CFAP92: variants seen among roughly 807,000 people sequenced by gnomAD.
The protein encoded by CFAP92 is cilia and flagella associated protein 92 (putative).
CFAP92 carries 86 observed loss-of-function variants against 106.3 expected under a neutral mutation model. That is an observed-to-expected ratio of 0.81 (90% confidence interval 0.68 to 0.97). The LOEUF is 0.97. Ranked by LOEUF, CFAP92 falls within the 50% of genes least tolerant of loss-of-function variation. The pLI, the probability that CFAP92 is intolerant of heterozygous loss-of-function variation, is 0.00. For missense variants in CFAP92, 1,204 were observed against 1,283.8 expected, an observed-to-expected ratio of 0.94 and a Z score of 0.95; for synonymous variants, 477 against 506.4, an observed-to-expected ratio of 0.94 and a Z score of 0.78.
intron 12 of CFAP92, among the ~76,000 whole-genome samples, chr3:128,925,559 T>C (rs1418446279): frequency 6.6e-6 from 1 of 152,082 alleles, no homozygotes; most frequent in African/African-American, 2.4e-5. Context: ...ATAAGTAATA[T>C]CAGATGCAGA....
At position 128,942,298 on chromosome 3, in the gene CFAP92, C is replaced by T. The variant is rs117389028; in HGVS notation, c.2258+2773G>A. Among the ~76,000 whole-genome samples, 14 of 152,364 alleles carry T rather than the reference C, an allele frequency of 9.2e-5. No individual in the cohort carries two copies. In the East Asian group the frequency reaches 2.7e-3, roughly 29 times the overall value. ...AGACACAAAGCTTCTACTGTCTTCT[C>T]GTGGAGCCAGATGTGCTACCCTCCT... On this transcript the variant is annotated intron_variant, in intron 10 of 15. Transcript: ENST00000645291.
chr3:128,970,499 T>G (rs944617410), intron 8 of CFAP92: 1 of 152,082 alleles, frequency 6.6e-6, no homozygotes, highest in Admixed American at 6.5e-5. Context: ...AGTCTGAATT[T>G]TCTCTAAAAA....
At chr3:128,957,679 C>T (rs1398369551) in intron 9 of CFAP92, among the ~76,000 whole-genome samples, 1 of 152,156 alleles carries the variant, frequency 6.6e-6, no homozygotes, top group Non-Finnish European at 1.5e-5. Flanking sequence ...GGTCTAAATA[C>T]GTCAATTAAA....
intron 15 of CFAP92, among the ~76,000 whole-genome samples, chr3:128,911,388 A>AG (rs1936299514): frequency 6.6e-6 from 1 of 152,032 alleles, no homozygotes; most frequent in Non-Finnish European, 1.5e-5. Context: ...GAGCAAGTGC[A>AG]GAGCCCTTTG....
intron 4 of CFAP92, among the ~76,000 whole-genome samples, chr3:128,982,773 A>G (rs968101151): frequency 6.6e-6 from 1 of 152,192 alleles, no homozygotes; most frequent in African/African-American, 2.4e-5. Flanking sequence ...GGGAATAGGG[A>G]GGCCTGAAGA....
At position 128,922,298 on chromosome 3, in the gene CFAP92, G is replaced by A. The variant is rs375522435; in HGVS notation, c.2752-6027C>T. On this transcript the variant is annotated intron_variant, in intron 12 of 15. Coordinates refer to ENST00000645291, the MANE Select transcript of CFAP92 (RefSeq NM_001394090.1). ...GTGGAGCTTGCAGTGAGTCAAGATC[G>A]TGCCACTGCACTCCAGCCTGGGCAA... 5.6e-4 allele frequency among the ~76,000 whole-genome samples: 85 copies of A among 151,892 alleles called. 1 individual carries two copies. Among genetic ancestry groups the A allele is most frequent in the African/African-American group, 1.9e-3 (79 of 41,418 alleles).
chr3:128,915,468 TTTC>T lies in CFAP92; in HGVS notation c.3009_3011del (p.Lys1004del), dbSNP rs369929357. On this transcript the variant is annotated inframe_deletion, in exon 14 of 16. Transcript: ENST00000645291. ...TGGCTGTGAGCCAGGCCTGGCGGGA[TTTC>T]TTCTGGGCTTTCTTCTCCTCTTCCT... 1,389 of 1,536,092 alleles carry T rather than the reference TTTC, an allele frequency of 9.0e-4. 12 individuals carry two copies. The African/African-American group carries it at 0.016, about 18-fold the overall frequency.
At chr3:128,964,795 T>C (rs1031745470) in intron 9 of CFAP92, among the ~76,000 whole-genome samples, 1 of 152,152 alleles carries the variant, frequency 6.6e-6, no homozygotes, top group Admixed American at 6.6e-5. Flanking sequence ...CCCTTCAGCT[T>C]AATCTCTCCC....
the CFAP92 span, among the ~76,000 whole-genome samples, chr3:129,025,247 G>C: frequency 6.6e-6 from 1 of 152,230 alleles, no homozygotes; most frequent in Non-Finnish European, 1.5e-5. Flanking sequence ...ACTGAGGAGA[G>C]AAGAGGTCCT....
chr3:129,002,515 C>A, intron 1 of CFAP92: 1 of 1,156,974 alleles, frequency 8.6e-7, no homozygotes, highest in Non-Finnish European at 1.1e-6. Context: ...CAGTCCCCAA[C>A]CCTATTCTTA....
chr3:128,971,459 G>T (rs537073426), intron 7 of CFAP92, 26 bp from the exon 8 acceptor site: 18 of 1,538,002 alleles, frequency 1.2e-5, no homozygotes, highest in Non-Finnish European at 1.2e-5. Context: ...AAGGAGATGA[G>T]CATTAAGAGG....
At chr3:129,003,907 C>T, upstream of CFAP92, 1 of 1,355,612 alleles carries the variant, frequency 7.4e-7, no homozygotes, top group Non-Finnish European at 9.4e-7. Flanking sequence ...CGGAGGCCCG[C>T]GCTGGGCGGC....
intron 2 of CFAP92, 140 bp downstream of exon 2, chr3:128,992,903 G>T: frequency 1.1e-6 from 1 of 938,462 alleles, no homozygotes; most frequent in Non-Finnish European, 1.6e-6. Context: ...TTCAACCTCT[G>T]CTCCTGGCTG....
chr3:128,958,712 G>A (rs1335318915), intron 9 of CFAP92, among the ~76,000 whole-genome samples: 4 of 151,888 alleles, frequency 2.6e-5, no homozygotes, highest in Admixed American at 6.6e-5. Context: ...ACCAGCCTGC[G>A]CAACATGGCA....
At position 128,993,991 on chromosome 3, in the gene CFAP92, T is replaced by C. The variant is rs548692472; in HGVS notation, c.-44A>G. Reference sequence around the variant, plus strand: ...GGTGCTGGCGGTACCTGCGAGCGGATGCGCTGGGCGGCAGCGGGGAGTTGG... The same window carrying C: ...GGTGCTGGCGGTACCTGCGAGCGGACGCGCTGGGCGGCAGCGGGGAGTTGG... On this transcript the variant is annotated 5_prime_UTR_variant, in exon 1 of 16. Transcript: ENST00000645291. The C allele has an allele frequency of 2.7e-3, 2,660 of 987,362 alleles. 2 individuals carry two copies. The highest frequency in any genetic ancestry group is 3.0e-3 in the Non-Finnish European group (2,492 of 831,018). 61.2% of individuals were successfully genotyped at this position (987,362 alleles called of 1,614,324 possible).
In CFAP92 at chr3:128,945,961, A is replaced by G; in HGVS notation, c.1368T>C (p.Pro456=). 1 of 1,439,436 alleles carries G rather than the reference A, an allele frequency of 6.9e-7. No individual in the cohort carries two copies. The highest frequency in any genetic ancestry group is 9.1e-7 in the Non-Finnish European group (1 of 1,102,250). 89.2% of individuals were successfully genotyped at this position (1,439,436 alleles called of 1,614,324 possible). A position where few individuals can be genotyped will look rare whatever the true frequency, so the allele number is the denominator to read the frequency against. Residue 456 remains proline (P), a synonymous_variant, in exon 10 of 16, where the codon CCT becomes CCC. Transcript: ENST00000645291. ...TATGGAACTGGTACTTGCAGTACAC[A>G]GGCATGCACAGCCTCTACGAGAGAG... ...PIQELERLCM[P]VYCKYQFHKT...
chr3:128,936,221 C>T (rs1939006908), intron 10 of CFAP92, among the ~76,000 whole-genome samples: 1 of 152,402 alleles, frequency 6.6e-6, no homozygotes, highest in East Asian at 1.9e-4. Context: ...GTGAAGTCTA[C>T]AATGCCTTCA....
intron 1 of CFAP92, chr3:129,002,249 T>G (rs969002349): frequency 1.2e-5 from 19 of 1,531,106 alleles, no homozygotes; most frequent in Non-Finnish European, 1.7e-5. Flanking sequence ...AGGAGGAGAA[T>G]AGCAGCTTGC....
At chr3:128,921,388 G>C (rs1399723651) in intron 12 of CFAP92, among the ~76,000 whole-genome samples, 1 of 152,198 alleles carries the variant, frequency 6.6e-6, no homozygotes, top group Non-Finnish European at 1.5e-5. Flanking sequence ...TTTTAATACA[G>C]CTTCTTACAT....
Sources: allele counts gnomAD v4.1 joint callset (sites outside exome capture counted in the v4.1 genomes callset), GRCh38; gene constraint gnomAD v4.1.1; transcripts MANE v1.5; gene names NCBI Gene and HGNC (gene_info 2026-07-23, HGNC 2026-07-21).